FHAD1: variants seen among roughly 807,000 people sequenced by gnomAD.
The protein encoded by FHAD1 is forkhead-associated domain-containing protein 1.
A neutral mutation model predicts 191.3 loss-of-function variants in FHAD1; 146 were observed. The observed-to-expected ratio is 0.76, with a 90% CI of 0.67 to 0.88. The LOEUF is 0.88. Ranked by LOEUF, FHAD1 falls within the 40% of genes least tolerant of loss-of-function variation. FHAD1 has a pLI of 0.00. For synonymous variants in FHAD1, 616 were observed against 672.3 expected, an observed-to-expected ratio of 0.92 and a Z score of 1.29; for missense variants, 1,635 against 1,785.8, an observed-to-expected ratio of 0.92 and a Z score of 1.52.
Position 15,391,193 on chromosome 1 carries a change from T to C in FHAD1, c.4270-17T>C, listed in dbSNP as rs1232797779. On this transcript the variant is annotated splice_polypyrimidine_tract_variant and intron_variant, in intron 32 of 33. Coordinates refer to ENST00000688493, the MANE Select transcript of FHAD1 (RefSeq NM_001391957.1). ...GAATCTAAGCTAGATTTTGTTCTTA[T>C]TCTTTCTGTATTGAAGAGACGAGTA... The C allele has an allele frequency of 3.3e-5, 42 of 1,261,866 alleles. No homozygotes were observed. The highest frequency in any genetic ancestry group is 4.0e-5 in the Non-Finnish European group (39 of 973,504). 78.2% of individuals were successfully genotyped at this position (1,261,866 alleles called of 1,614,324 possible). A position where few individuals can be genotyped will look rare whatever the true frequency, so the allele number is the denominator to read the frequency against.
chr1:15,236,860 C>T (rs1220822140), intron 1 of FHAD1, among the ~76,000 whole-genome samples: 1 of 152,120 alleles, frequency 6.6e-6, no homozygotes, highest in African/African-American at 2.4e-5. Flanking sequence ...AATTGTAGTT[C>T]CCATAATCCA....
In FHAD1 at chr1:15,365,912, A is replaced by G. The variant is rs1358859093; in HGVS notation, c.3133A>G (p.Ser1045Gly). ...AAGGAAAGACCTTACCGAAGCCCAC[A>G]GCAGAATGTCGGATTTGAGAGGTTT... ...KLRKDLTEAH[S>G]RMSDLRGELN... Residue 1045 changes from serine to glycine, a missense_variant, in exon 24 of 34, where the codon AGC becomes GGC. Ser to Gly is a moderately conservative substitution (Grantham distance 56). Coordinates refer to ENST00000688493, the MANE Select transcript of FHAD1 (RefSeq NM_001391957.1). 3 of 1,551,232 alleles carry G rather than the reference A, an allele frequency of 1.9e-6. No individual in the cohort carries two copies. Among genetic ancestry groups the G allele is most frequent in the South Asian group, 1.2e-5 (1 of 84,060 alleles).
intron 13 of FHAD1, 175 bp downstream of exon 13, chr1:15,328,604 A>C (rs182821529): frequency 0.012 from 6,199 of 523,650 alleles, 63 homozygotes; most frequent in Non-Finnish European, 0.013. Context: ...AGGGCCTAAA[A>C]AAATGCCTCC....
At chr1:15,362,322 G>T (rs1298916413) in intron 22 of FHAD1, among the ~76,000 whole-genome samples, 1 of 152,214 alleles carries the variant, frequency 6.6e-6, no homozygotes, top group Non-Finnish European at 1.5e-5. Context: ...ACAGGCAGGC[G>T]GTGGGACCAG....
At chr1:15,305,816 A>G (rs1331162989) in intron 6 of FHAD1, 1 of 438,690 alleles carries the variant, frequency 2.3e-6, no homozygotes, top group Non-Finnish European at 4.5e-6. Flanking sequence ...GGCCATGTGG[A>G]ACTGTAAGTC....
chr1:15,248,117 T>A (rs1226135901), intron 1 of FHAD1, among the ~76,000 whole-genome samples: 1 of 152,108 alleles, frequency 6.6e-6, no homozygotes, highest in African/African-American at 2.4e-5. Context: ...AGGTAGTTAC[T>A]GTCAGAGGTT....
upstream of FHAD1, among the ~76,000 whole-genome samples, chr1:15,247,063 G>A (rs966807634): frequency 1.3e-5 from 2 of 152,216 alleles, no homozygotes; most frequent in African/African-American, 4.8e-5. Context: ...TGTGACCTCT[G>A]AGCCTCCGCT....
chr1:15,300,939 C>T (rs570730071), intron 5 of FHAD1, among the ~76,000 whole-genome samples: 60 of 152,274 alleles, frequency 3.9e-4, no homozygotes, highest in Non-Finnish European at 7.3e-4. Flanking sequence ...AAGCGATTCT[C>T]CTGCCTCAGC....
In FHAD1 at chr1:15,311,562, C is replaced by G. The variant is rs1479876864; in HGVS notation, c.1040-1495C>G. On this transcript the variant is annotated intron_variant, in intron 7 of 33. Coordinates refer to ENST00000688493, the MANE Select transcript of FHAD1 (RefSeq NM_001391957.1). This position sits in a 1 kb window ranked among gnomAD's most constrained non-coding sequence, Gnocchi z 4.1. The stretch of plus-strand genomic sequence containing the variant: ...CTGTTTCTAAGGAACTTAACTGTGT[C>G]CCCGGACGAAGCTCATTTTTACAAT... Among the ~76,000 whole-genome samples, 1 of 152,156 alleles carries G rather than the reference C, an allele frequency of 6.6e-6. No homozygotes were observed. Among genetic ancestry groups the G allele is most frequent in the African/African-American group, 2.4e-5 (1 of 41,408 alleles).
chr1:15,250,456 T>A (rs796522302), intron 1 of FHAD1, among the ~76,000 whole-genome samples: 30 of 152,328 alleles, frequency 2.0e-4, no homozygotes, highest in African/African-American at 6.3e-4. Flanking sequence ...GGTGGGTACA[T>A]AGGAGCTCAT....
intron 2 of FHAD1, among the ~76,000 whole-genome samples, chr1:15,257,088 C>T (rs1001549608): frequency 4.6e-5 from 7 of 152,212 alleles, no homozygotes; most frequent in African/African-American, 1.7e-4. Flanking sequence ...GCATCAAAGT[C>T]TTTTTTATTA....
In FHAD1 at chr1:15,397,391, C is replaced by G. The variant is rs2103227290; in HGVS notation, c.4418C>G (p.Ser1473Cys). Residue 1473 changes from serine (S) to cysteine (C), a missense_variant, in exon 34 of 34, where the codon TCT becomes TGT. Physicochemically the swap from Ser to Cys is moderately radical, Grantham distance 112. Coordinates refer to ENST00000688493, the MANE Select transcript of FHAD1 (RefSeq NM_001391957.1). ...SSKSSQSLLH[S>C]KPSGKY ...AAGTCCAGCCAGAGCCTTTTGCATT[C>G]TAAGCCCAGTGGAAAGTACTAGAGA... The G allele has an allele frequency of 3.9e-6, 6 of 1,539,000 alleles. No homozygotes were observed. Among genetic ancestry groups the G allele is most frequent in the Non-Finnish European group, 5.3e-6 (6 of 1,138,494 alleles).
chr1:15,324,829 C>T (rs889809612), intron 11 of FHAD1: 29 of 482,478 alleles, frequency 6.0e-5, no homozygotes, highest in Middle Eastern at 5.5e-4. Flanking sequence ...CGATGCCTGC[C>T]CCCAGTTAAC....
At chr1:15,346,456 C>T (rs183154320) in intron 18 of FHAD1, among the ~76,000 whole-genome samples, 84 of 152,262 alleles carry the variant, frequency 5.5e-4, no homozygotes, top group Non-Finnish European at 9.0e-4. Context: ...TAAACACAGC[C>T]CACGTCATTT....
chr1:15,400,378 A>G (rs1295023869), downstream of FHAD1: 1 of 152,298 alleles, frequency 6.6e-6, no homozygotes, highest in African/African-American at 2.4e-5. Flanking sequence ...TTTTGATTCC[A>G]TGGGTCAAGC....
intron 7 of FHAD1, among the ~76,000 whole-genome samples, chr1:15,310,588 C>T (rs978043479): frequency 4.6e-5 from 7 of 152,186 alleles, no homozygotes; most frequent in African/African-American, 1.7e-4. Context: ...GGTCCCTGGA[C>T]CAGCAGCATC....
At chr1:15,307,794 G>A (rs867768570) in intron 6 of FHAD1, among the ~76,000 whole-genome samples, 27 of 151,292 alleles carry the variant, frequency 1.8e-4, no homozygotes, top group Non-Finnish European at 3.7e-4. Flanking sequence ...GCAGTGGCAC[G>A]ATCTCGGCTC....
chr1:15,258,573 T>G (rs1649432112), intron 2 of FHAD1, among the ~76,000 whole-genome samples: 2 of 150,338 alleles, frequency 1.3e-5, no homozygotes, highest in African/African-American at 4.9e-5. Context: ...TGTCCAGATA[T>G]CTCTGTCTCT....
intron 31 of FHAD1, among the ~76,000 whole-genome samples, chr1:15,387,815 G>T (rs889196741): frequency 6.6e-6 from 1 of 152,170 alleles, no homozygotes. Flanking sequence ...AGCCTGAGAG[G>T]TCGAGGCTAC....
Sources: gnomAD v4.1 joint callset for allele counts (sites outside exome capture counted in the v4.1 genomes callset) on GRCh38, gnomAD v4.1.1 for gene constraint, Gnocchi (gnomAD v3.1) non-coding constraint, MANE v1.5 for transcripts, NCBI Gene and HGNC (gene_info 2026-07-23, HGNC 2026-07-21) for gene names.